The following SDCCAG8 variants were observed in gnomAD, a reference collection of about 807,000 sequenced individuals.
SDCCAG8 encodes SHH signaling and ciliogenesis regulator SDCCAG8, also known as serologically defined colon cancer antigen 8.
Under a neutral mutation model 101.8 loss-of-function variants are expected in SDCCAG8, and 74 were observed. The observed-to-expected ratio is 0.73, with a 90% confidence interval of 0.60 to 0.88. SDCCAG8 has a LOEUF of 0.88. Ranked by LOEUF, SDCCAG8 falls within the 40% of genes least tolerant of loss-of-function variation. The pLI is 0.00. For synonymous variants in SDCCAG8, 281 were observed against 292.9 expected, an observed-to-expected ratio of 0.96 and a Z score of 0.41; for missense variants, 787 against 822.6, an observed-to-expected ratio of 0.96 and a Z score of 0.53.
intron 17 of SDCCAG8, among the ~76,000 whole-genome samples, chr1:243,492,604 G>GTTTTTC (rs1666797550): frequency 5.1e-5 from 3 of 58,866 alleles, no homozygotes; most frequent in African/African-American, 2.1e-4. Context: ...GCGCCCAGCT[G>GTTTTTC]TTTTTTTTTT....
intron 13 of SDCCAG8, among the ~76,000 whole-genome samples, chr1:243,384,590 C>CCACACACACACA (rs113914411): frequency 1.7e-4 from 26 of 149,456 alleles, no homozygotes; most frequent in East Asian, 8.0e-4. Context: ...TGTTTAAAAA[C>CCACACACACACA]CACACACACA....
intron 1 of SDCCAG8, among the ~76,000 whole-genome samples, chr1:243,266,029 C>G (rs1008245005): frequency 6.6e-6 from 1 of 151,938 alleles, no homozygotes; most frequent in African/African-American, 2.4e-5. Context: ...TTTAAAAACG[C>G]AACAAAAATT....
intron 13 of SDCCAG8, among the ~76,000 whole-genome samples, chr1:243,412,152 G>A (rs76667213): frequency 0.018 from 2,681 of 152,296 alleles, 37 homozygotes; most frequent in Non-Finnish European, 0.027. Flanking sequence ...GCCTAGCAGA[G>A]TGCCTTTCAC....
chr1:243,490,133 T>C (rs1666033772), intron 17 of SDCCAG8, among the ~76,000 whole-genome samples: 1 of 152,224 alleles, frequency 6.6e-6, no homozygotes, highest in Admixed American at 6.5e-5. Context: ...AGTCTCATTC[T>C]CCTCACAAAA....
intron 13 of SDCCAG8, among the ~76,000 whole-genome samples, chr1:243,400,628 A>T (rs976513831): frequency 2.6e-5 from 4 of 152,224 alleles, no homozygotes; most frequent in African/African-American, 7.2e-5. Context: ...TCCATATCTT[A>T]CTGTCCCAAC....
At chr1:243,421,143 C>G (rs946793934) in intron 15 of SDCCAG8, among the ~76,000 whole-genome samples, 1 of 152,154 alleles carries the variant, frequency 6.6e-6, no homozygotes, top group Non-Finnish European at 1.5e-5. Context: ...TAAAATTCTT[C>G]TTGAAAAGTA....
intron 8 of SDCCAG8, among the ~76,000 whole-genome samples, chr1:243,309,960 T>C (rs1285182254): frequency 6.6e-6 from 1 of 152,080 alleles, no homozygotes; most frequent in Non-Finnish European, 1.5e-5. Flanking sequence ...GCTTCTCGGG[T>C]TCAAGTGATT....
chr1:243,311,052 T>C (rs975734906), intron 8 of SDCCAG8, among the ~76,000 whole-genome samples: 1 of 138,126 alleles, frequency 7.2e-6, no homozygotes, highest in Non-Finnish European at 1.6e-5. Flanking sequence ...ATTCAAATTG[T>C]GCACTTCACT....
intron 13 of SDCCAG8, among the ~76,000 whole-genome samples, chr1:243,403,748 C>T (rs890329765): frequency 1.3e-5 from 2 of 152,174 alleles, no homozygotes; most frequent in Non-Finnish European, 2.9e-5. Flanking sequence ...GTCACTGTCT[C>T]CCGTCACCCC....
At chr1:243,404,889 T>C (rs139139168) in intron 13 of SDCCAG8, among the ~76,000 whole-genome samples, 2,609 of 150,302 alleles carry the variant, frequency 0.017, 88 homozygotes, top group African/African-American at 0.061. Context: ...GGTTTTGAGA[T>C]GGAGTCTTAC....
At chr1:243,496,425 A>G (rs3006933) in intron 17 of SDCCAG8, among the ~76,000 whole-genome samples, 74,720 of 152,126 alleles carry the variant, frequency 0.49, 19,792 homozygotes, top group African/African-American at 0.7. Flanking sequence ...AGATGGAGGT[A>G]GGGGGAGGGG....
At position 243,270,239 on chromosome 1, in the gene SDCCAG8, T is replaced by G. The variant is rs778351444; in HGVS notation, c.202T>G (p.Leu68Val). Residue 68 changes from leucine (L) to valine (V), a missense_variant, in exon 2 of 18, where the codon TTA becomes GTA. Leu to Val is a conservative substitution (Grantham distance 32). Transcript: ENST00000366541. ...GGACGCCAGGACAGCCTGGCCCGAA[T>G]TACAACAGAGCCATGCTGGTGAGTG... ...NEDARTAWPELQQSHAVNQLK... is the reference protein window; with the variant it reads ...NEDARTAWPEVQQSHAVNQLK... The G allele has an allele frequency of 1.2e-6, 2 of 1,614,162 alleles. No individual in the cohort carries two copies. The highest frequency in any genetic ancestry group is 1.7e-6 in the Non-Finnish European group (2 of 1,180,018).
intron 16 of SDCCAG8, among the ~76,000 whole-genome samples, chr1:243,480,520 G>A (rs1309042716): frequency 5.8e-5 from 2 of 34,764 alleles, no homozygotes; most frequent in African/African-American, 8.1e-5. Flanking sequence ...GGTGGGATGG[G>A]TGGGATGGAT....
chr1:243,478,569 G>A (rs1203868916), intron 16 of SDCCAG8, among the ~76,000 whole-genome samples: 1 of 152,126 alleles, frequency 6.6e-6, no homozygotes, highest in Non-Finnish European at 1.5e-5. Flanking sequence ...TTCATTGAAG[G>A]TGGTACCCCC....
intron 3 of SDCCAG8, among the ~76,000 whole-genome samples, chr1:243,274,002 G>A (rs184990540): frequency 6.6e-6 from 1 of 152,244 alleles, no homozygotes; most frequent in African/African-American, 2.4e-5. Context: ...TTCTCGTGTT[G>A]CTAAAAATAA....
At chr1:243,258,437 C>T (rs1046122394) in intron 1 of SDCCAG8, among the ~76,000 whole-genome samples, 1 of 152,214 alleles carries the variant, frequency 6.6e-6, no homozygotes, top group Non-Finnish European at 1.5e-5. Flanking sequence ...TGGAGTCTCA[C>T]TCTGTCATCC....
intron 17 of SDCCAG8, among the ~76,000 whole-genome samples, chr1:243,499,200 G>GTA (rs1668872999): frequency 1.3e-5 from 2 of 152,186 alleles, no homozygotes; most frequent in Non-Finnish European, 2.9e-5. Flanking sequence ...AAAACTAAGA[G>GTA]ACCTCAGTAC....
chr1:243,307,920 T>A, intron 7 of SDCCAG8, 69 bp from the exon 8 acceptor site: 1 of 1,602,590 alleles, frequency 6.2e-7, no homozygotes. Context: ...GTTAACATTA[T>A]GATGATTCAT....
intron 16 of SDCCAG8, among the ~76,000 whole-genome samples, chr1:243,477,476 C>T (rs1662670974): frequency 6.6e-6 from 1 of 152,192 alleles, no homozygotes; most frequent in South Asian, 2.1e-4. Context: ...TTCATGGTGT[C>T]AGGATCCTTT....
Sources: allele counts gnomAD v4.1 joint callset (sites outside exome capture counted in the v4.1 genomes callset), GRCh38; gene constraint gnomAD v4.1.1; transcripts MANE v1.5; gene names NCBI Gene and HGNC (gene_info 2026-07-23, HGNC 2026-07-21).